The following ZBTB20 variants were observed in gnomAD, a reference collection of about 807,000 sequenced individuals.
ZBTB20 encodes the protein zinc finger and BTB domain containing 20.
A neutral mutation model predicts 56.9 loss-of-function variants in ZBTB20; 9 were observed. The ratio of observed to expected loss-of-function variants is 0.16; its 90% CI spans 0.10 to 0.28. The LOEUF (loss-of-function observed/expected upper bound fraction) is 0.28, where lower values mean the gene tolerates loss of function less well. Among genes scored for constraint, ZBTB20 ranks in the 10% least tolerant of loss-of-function variants. The pLI is 1.00. For missense variants in ZBTB20, 655 were observed against 1,003.0 expected, an observed-to-expected ratio of 0.65 and a Z score of 4.69; for synonymous variants, 417 against 420.7, an observed-to-expected ratio of 0.99 and a Z score of 0.11.
intron 10 of ZBTB20, among the ~76,000 whole-genome samples, chr3:114,353,834 T>C (rs765111063): frequency 1.6e-4 from 24 of 152,342 alleles, no homozygotes; most frequent in Non-Finnish European, 2.8e-4. Flanking sequence ...TATTCCCATT[T>C]TACAGATGAG....
chr3:114,507,824 A>G (rs75629562), intron 6 of ZBTB20, among the ~76,000 whole-genome samples: 1,591 of 152,268 alleles, frequency 0.01, 35 homozygotes, highest in African/African-American at 0.036. Flanking sequence ...AATACATTCT[A>G]CAGTTTAAAA....
At chr3:114,594,539 A>G (rs892438923) in intron 6 of ZBTB20, among the ~76,000 whole-genome samples, 1 of 152,148 alleles carries the variant, frequency 6.6e-6, no homozygotes, top group Non-Finnish European at 1.5e-5. Context: ...TATTATTAAA[A>G]TATATTCTGC....
chr3:114,344,979 TA>T (rs34000289), intron 11 of ZBTB20, among the ~76,000 whole-genome samples: 75,139 of 149,894 alleles, frequency 0.5, 19,310 homozygotes, highest in East Asian at 0.86. Flanking sequence ...CTCTTGTGGG[TA>T]AAAAAAAAAC....
At chr3:114,869,776 T>C (rs1300658923) in intron 4 of ZBTB20, among the ~76,000 whole-genome samples, 3 of 152,236 alleles carry the variant, frequency 2.0e-5, no homozygotes, top group Non-Finnish European at 4.4e-5. Flanking sequence ...CTAATCTTTG[T>C]GTAGCCATAT....
At chr3:114,675,040 A>G (rs1010885333) in intron 6 of ZBTB20, among the ~76,000 whole-genome samples, 2 of 148,674 alleles carry the variant, frequency 1.3e-5, no homozygotes, top group Non-Finnish European at 3.0e-5. Flanking sequence ...CATTTAAAAA[A>G]TCTATCTTTC....
intron 6 of ZBTB20, among the ~76,000 whole-genome samples, chr3:114,609,543 C>CT (rs1248057734): frequency 6.6e-6 from 1 of 152,096 alleles, no homozygotes; most frequent in East Asian, 1.9e-4. Context: ...GAAAAAAACT[C>CT]TTTTTCCTCA....
At chr3:114,779,320 A>G (rs1243662783) in intron 5 of ZBTB20, among the ~76,000 whole-genome samples, 1 of 152,170 alleles carries the variant, frequency 6.6e-6, no homozygotes, top group Non-Finnish European at 1.5e-5. Context: ...CAACAACCCA[A>G]TAGGCAATTG....
chr3:114,505,094 CTAT>C (rs1440566418), intron 6 of ZBTB20, among the ~76,000 whole-genome samples: 1 of 152,116 alleles, frequency 6.6e-6, no homozygotes, highest in Non-Finnish European at 1.5e-5. Flanking sequence ...TAAGCGAAAG[CTAT>C]TATTATACCC....
chr3:114,991,817 G>A (rs1009860049), intron 2 of ZBTB20, among the ~76,000 whole-genome samples: 5 of 152,100 alleles, frequency 3.3e-5, no homozygotes, highest in African/African-American at 1.2e-4. Context: ...ATTTAGGATA[G>A]TTAGCTCTTC....
intron 2 of ZBTB20, among the ~76,000 whole-genome samples, chr3:115,021,075 A>C (rs1487959603): frequency 1.3e-5 from 2 of 150,940 alleles, no homozygotes; most frequent in African/African-American, 4.8e-5. Context: ...TTAACTTTTA[A>C]TTTACATTAA....
At chr3:114,817,160 T>TA (rs2072974222) in intron 4 of ZBTB20, among the ~76,000 whole-genome samples, 1 of 149,748 alleles carries the variant, frequency 6.7e-6, no homozygotes, top group African/African-American at 2.5e-5. Flanking sequence ...CTCTCTATAT[T>TA]AAGTCTATAT....
intron 1 of ZBTB20, among the ~76,000 whole-genome samples, chr3:115,128,638 T>C (rs1020676153): frequency 8.1e-5 from 12 of 148,454 alleles, no homozygotes; most frequent in African/African-American, 2.7e-4. Context: ...CACTCCATCC[T>C]GGGCAACAGT....
At chr3:114,712,338 T>G (rs913915802) in intron 5 of ZBTB20, among the ~76,000 whole-genome samples, 1 of 152,052 alleles carries the variant, frequency 6.6e-6, no homozygotes, top group African/African-American at 2.4e-5. Context: ...ATAAAATTCT[T>G]TAGAAAATTA....
At chr3:114,467,305 ACTG>A (rs2092592740) in intron 7 of ZBTB20, among the ~76,000 whole-genome samples, 1 of 152,152 alleles carries the variant, frequency 6.6e-6, no homozygotes, top group Admixed American at 6.5e-5. Flanking sequence ...ATTTCATGAA[ACTG>A]TCCACAGATT....
chr3:114,386,944 C>T (rs2085211776), intron 8 of ZBTB20, among the ~76,000 whole-genome samples: 3 of 152,092 alleles, frequency 2.0e-5, no homozygotes, highest in South Asian at 4.1e-4. Context: ...GCTGCTCAGC[C>T]GAGCAGGGAT....
chr3:114,533,067 C>T (rs2048047942), intron 6 of ZBTB20, among the ~76,000 whole-genome samples: 1 of 152,038 alleles, frequency 6.6e-6, no homozygotes, highest in African/African-American at 2.4e-5. Context: ...ATTCCAAAAA[C>T]CCGAATGTCG....
At chr3:114,407,781 A>G (rs1026468267) in intron 7 of ZBTB20, among the ~76,000 whole-genome samples, 1 of 152,096 alleles carries the variant, frequency 6.6e-6, no homozygotes, top group Non-Finnish European at 1.5e-5. Context: ...ATAATTCGCA[A>G]TCTGTGATAG....
intron 6 of ZBTB20, among the ~76,000 whole-genome samples, chr3:114,548,517 C>CTT (rs71146327): frequency 0.015 from 2,177 of 145,000 alleles, 48 homozygotes; most frequent in African/African-American, 0.05. Flanking sequence ...TTTTTATTTT[C>CTT]TTTTTTTTTT....
intron 4 of ZBTB20, among the ~76,000 whole-genome samples, chr3:114,886,390 A>G (rs2076602436): frequency 6.6e-6 from 1 of 152,204 alleles, no homozygotes; most frequent in Non-Finnish European, 1.5e-5. Flanking sequence ...TAAGCAGAGA[A>G]ATTAGACGGA....
Sources: gnomAD v4.1 joint callset for allele counts (sites outside exome capture counted in the v4.1 genomes callset) on GRCh38, gnomAD v4.1.1 for gene constraint, MANE v1.5 for transcripts, NCBI Gene and HGNC (gene_info 2026-07-23, HGNC 2026-07-21) for gene names.